WDR3: variants seen among roughly 807,000 people sequenced by gnomAD.
WDR3 encodes WD repeat domain 3.
A neutral mutation model predicts 123.7 loss-of-function variants in WDR3; 81 were observed. The ratio of observed to expected loss-of-function variants is 0.65; its 90% CI spans 0.55 to 0.79. The LOEUF (loss-of-function observed/expected upper bound fraction) is 0.79, where lower values mean the gene tolerates loss of function less well. WDR3 is among the 30% of genes least tolerant of loss of function. The probability of loss-of-function intolerance (pLI) is 0.00; values close to 1 mark genes in which losing one functional copy is unlikely to be tolerated. For missense variants in WDR3, 1,027 were observed against 1,123.2 expected (o/e 0.91, Z 1.22); for synonymous variants, 390 against 388.8 (o/e 1.00, Z -0.04).
chr1:117,938,610 A>C, intron 5 of WDR3, 52 bp downstream of exon 5: 1 of 1,525,960 alleles, frequency 6.6e-7, no homozygotes, highest in Admixed American at 1.8e-5. Flanking sequence ...AAAAGGGAAA[A>C]GGTGGTGGTC....
chr1:117,948,024 C>T (rs75634673), intron 12 of WDR3, among the ~76,000 whole-genome samples: 229 of 152,220 alleles, frequency 1.5e-3, no homozygotes, highest in African/African-American at 5.3e-3. Flanking sequence ...GAGGATCATC[C>T]GCTTAAAGGA....
At chr1:117,943,290 T>G in intron 10 of WDR3, 106 bp from the exon 11 acceptor site, 4 of 987,486 alleles carry the variant, frequency 4.1e-6, no homozygotes, top group Non-Finnish European at 6.0e-6. Context: ...TTATAGTTAT[T>G]CAAACTTTAT....
chr1:117,958,695 A>T (rs1331755361), intron 25 of WDR3, among the ~76,000 whole-genome samples: 4 of 152,010 alleles, frequency 2.6e-5, no homozygotes, highest in Admixed American at 6.5e-5. Context: ...TGAATGTGTC[A>T]TAAGGTTTAG....
At chr1:117,955,284 A>G (rs1243406273) in intron 23 of WDR3, 31 bp from the exon 24 acceptor site, 2 of 1,582,786 alleles carry the variant, frequency 1.3e-6, no homozygotes, top group Non-Finnish European at 1.7e-6. Context: ...AACCAAGAGT[A>G]TCACTAATGG....
In WDR3 at chr1:117,960,175, T is replaced by G. The variant is rs1652870408; in HGVS notation, c.*728T>G. On this transcript the variant is annotated 3_prime_UTR_variant, in exon 27 of 27. Coordinates refer to ENST00000349139, the MANE Select transcript of WDR3 (RefSeq NM_006784.3). The stretch of plus-strand genomic sequence containing the variant: ...GTGTATGTGTATGTACACATACATA[T>G]ATATAGTTGACACTTGAAAAATGCA... 6.6e-6 allele frequency: 1 copy of G among 151,768 alleles called. No individual in the cohort carries two copies. The highest frequency in any genetic ancestry group is 6.6e-5 in the Admixed American group (1 of 15,206). 9.4% of individuals were successfully genotyped at this position (151,768 alleles called of 1,614,324 possible).
At chr1:117,945,390 C>G (rs1350561287) in intron 11 of WDR3, among the ~76,000 whole-genome samples, 8 of 152,192 alleles carry the variant, frequency 5.3e-5, no homozygotes, top group Non-Finnish European at 4.4e-5. Flanking sequence ...GTTGTGCTCC[C>G]TGTTCTTTCT....
At position 117,933,323 on chromosome 1, in the gene WDR3, G is replaced by A. The variant is rs1392082949; in HGVS notation, c.4G>A (p.Gly2Arg). The A allele has an allele frequency of 1.2e-6, 2 of 1,613,990 alleles. No homozygotes were observed. Among genetic ancestry groups the A allele is most frequent in the Non-Finnish European group, 1.7e-6 (2 of 1,179,934 alleles). Residue 2 changes from glycine (G) to arginine (R), a missense_variant, in exon 2 of 27, where the codon GGG (glycine) becomes AGG (arginine). Gly to Arg is a moderately radical substitution (Grantham distance 125, BLOSUM62 -2). Coordinates refer to ENST00000349139, the MANE Select transcript of WDR3 (RefSeq NM_006784.3). M[G>R]LTKQYLRYVA... Reference sequence around the variant, plus strand: ...CTGTGGTATCAGACATCACAACATGGGGCTCACCAAGCAGTACCTACGCTA... The same window carrying A: ...CTGTGGTATCAGACATCACAACATGAGGCTCACCAAGCAGTACCTACGCTA...
chr1:117,949,646 C>G, intron 13 of WDR3, 105 bp from the exon 14 acceptor site: 1 of 1,280,204 alleles, frequency 7.8e-7, no homozygotes, highest in South Asian at 1.5e-5. Flanking sequence ...AATTTTTATC[C>G]CATGACGTTA....
rs1327837514 is a variant in WDR3 at position 117,960,088 on chromosome 1, C to G, written c.*641C>G. 2.0e-5 allele frequency: 3 copies of G among 149,932 alleles called. No individual in the cohort carries two copies. The highest frequency in any genetic ancestry group is 7.4e-5 in the African/African-American group (3 of 40,308). 9.3% of individuals were successfully genotyped at this position (149,932 alleles called of 1,614,324 possible). On this transcript the variant is annotated 3_prime_UTR_variant, in exon 27 of 27. Coordinates refer to ENST00000349139, the MANE Select transcript of WDR3 (RefSeq NM_006784.3). Reference sequence around the variant, plus strand: ...AGCCAAGCTAAGATGCCTGGCTGGGCTTCTGAGGAATTAATACACTCGTGT... The same window carrying G: ...AGCCAAGCTAAGATGCCTGGCTGGGGTTCTGAGGAATTAATACACTCGTGT...
Position 117,942,545 on chromosome 1 carries a change from G to T in WDR3, c.1097+1G>T. 1 of 1,611,380 alleles carries T rather than the reference G, an allele frequency of 6.2e-7. No homozygotes were observed. The highest frequency in any genetic ancestry group is 8.5e-7 in the Non-Finnish European group (1 of 1,178,170). ...ATATAAAAACTTCTGCCAAAATCAA[G>T]TGAGTAAAAATAAATTATCTGAAGT... is the stretch of plus-strand genomic sequence containing the variant. On this transcript the variant is annotated splice_donor_variant, in intron 10 of 26. Coordinates refer to ENST00000349139, the MANE Select transcript of WDR3 (RefSeq NM_006784.3). LOFTEE classifies it high-confidence loss of function.
Position 117,958,264 on chromosome 1 carries a change from GAAT to G in WDR3, c.2583-641_2583-639del, listed in dbSNP as rs1478702541. ...ATCCAGGATAGTAGCAAGAGAAGAA[GAAT>G]AATATGTTCTGTTGCCATATTCATA... On this transcript the variant is annotated intron_variant, in intron 25 of 26. Transcript: ENST00000349139. Among the ~76,000 whole-genome samples, 35 of 152,280 alleles carry G rather than the reference GAAT, an allele frequency of 2.3e-4. 1 individual carries two copies. Among genetic ancestry groups the G allele is most frequent in the Non-Finnish European group, 4.1e-4 (28 of 68,008 alleles).
chr1:117,956,177 T>C (rs547968545), intron 24 of WDR3, among the ~76,000 whole-genome samples: 3 of 152,334 alleles, frequency 2.0e-5, no homozygotes, highest in South Asian at 4.1e-4. Context: ...ATTATTTTAC[T>C]GGTTTTTAAA....
In WDR3 at chr1:117,959,623, G is replaced by C. The variant is rs1244747253; in HGVS notation, c.*176G>C. The C allele has an allele frequency of 1.7e-6, 1 of 583,052 alleles. No homozygotes were observed. Among genetic ancestry groups the C allele is most frequent in the Non-Finnish European group, 2.7e-6 (1 of 369,702 alleles). The allele number at this position is 583,052 out of a possible 1,614,324, so 36.1% of individuals were successfully genotyped here. A position where few individuals can be genotyped will look rare whatever the true frequency, so the allele number is the denominator to read the frequency against. On this transcript the variant is annotated 3_prime_UTR_variant, in exon 27 of 27. Transcript: ENST00000349139. ...AGGGAATTCCAACATGAGATTATGGGCTGGCTCCATTTCTTGGACTTAAAA... is the reference window on the plus strand; with the variant it reads ...AGGGAATTCCAACATGAGATTATGGCCTGGCTCCATTTCTTGGACTTAAAA...
At position 117,933,299 on chromosome 1, in the gene WDR3, T is replaced by C; in HGVS notation, c.-21T>C. ...GTTTATATGCACAGATTGCTTCACC[T>C]GTGGTATCAGACATCACAACATGGG... is the stretch of plus-strand genomic sequence containing the variant. On this transcript the variant is annotated 5_prime_UTR_variant, in exon 2 of 27. Coordinates refer to ENST00000349139, the MANE Select transcript of WDR3 (RefSeq NM_006784.3). The C allele has an allele frequency of 8.1e-6, 13 of 1,612,814 alleles. No individual in the cohort carries two copies. The highest frequency in any genetic ancestry group is 1.1e-5 in the Non-Finnish European group (13 of 1,178,988).
rs1207588803 is a variant in WDR3, at chr1:117,950,985, GT to G, written c.1803+100del. The G allele has an allele frequency of 2.9e-5, 28 of 978,384 alleles. No homozygotes were observed. The East Asian group carries it at 6.9e-4, about 24-fold the overall frequency. 60.6% of individuals were successfully genotyped at this position (978,384 alleles called of 1,614,324 possible). ...TTGATGTCTTCATCTTAGATTATTT[GT>G]TTTTATCATCATTCTGTTATATATC... On this transcript the variant is annotated intron_variant, in intron 16 of 26. Coordinates refer to ENST00000349139, the MANE Select transcript of WDR3 (RefSeq NM_006784.3).
chr1:117,933,692 T>C (rs941985365), intron 2 of WDR3: 1 of 658,424 alleles, frequency 1.5e-6, no homozygotes, highest in Admixed American at 2.3e-5. Flanking sequence ...AAAACCACAA[T>C]GAAATAGGAG....
chr1:117,941,240 T>C lies in WDR3; in HGVS notation c.891+15T>C. The C allele has an allele frequency of 6.2e-7, 1 of 1,611,740 alleles. No individual in the cohort carries two copies. The highest frequency in any genetic ancestry group is 8.5e-7 in the Non-Finnish European group (1 of 1,178,186). On this transcript the variant is annotated intron_variant, in intron 8 of 26. Coordinates refer to ENST00000349139, the MANE Select transcript of WDR3 (RefSeq NM_006784.3). The stretch of plus-strand genomic sequence containing the variant: ...TTGCTTGCCATGTGAGTACCATACT[T>C]AGGAGAAAATAACAAGGACTAGGCT...
intron 9 of WDR3, 86 bp from the exon 10 acceptor site, chr1:117,942,351 T>C (rs1204747626): frequency 5.5e-6 from 6 of 1,090,408 alleles, no homozygotes; most frequent in Non-Finnish European, 8.3e-6. Context: ...AGTTTGTTGG[T>C]CAAGGGGCCA....
At chr1:117,930,957 A>G (rs1171879012) in intron 1 of WDR3, among the ~76,000 whole-genome samples, 1 of 152,068 alleles carries the variant, frequency 6.6e-6, no homozygotes, top group South Asian at 2.1e-4. Context: ...GAATTTGTTT[A>G]TTTATTTTTA....
Sources: gnomAD v4.1 joint callset for allele counts (sites outside exome capture counted in the v4.1 genomes callset) on GRCh38, gnomAD v4.1.1 for gene constraint, MANE v1.5 for transcripts, NCBI Gene and HGNC (gene_info 2026-07-23, HGNC 2026-07-21) for gene names.